CACNA1C: variants seen among roughly 807,000 people sequenced by gnomAD.
CACNA1C encodes voltage-dependent L-type calcium channel subunit alpha-1C.
CACNA1C carries 30 observed loss-of-function variants against 229.0 expected under a neutral mutation model. The ratio of observed to expected loss-of-function variants is 0.13; its 90% CI spans 0.10 to 0.18. The LOEUF (loss-of-function observed/expected upper bound fraction) is 0.18, where lower values mean the gene tolerates loss of function less well. Among genes scored for constraint, CACNA1C ranks in the 10% least tolerant of loss-of-function variants. The probability of loss-of-function intolerance (pLI) is 1.00; values close to 1 mark genes in which losing one functional copy is unlikely to be tolerated. For missense variants in CACNA1C, 1,658 were observed against 2,845.0 expected (o/e 0.58, Z 9.49); for synonymous variants, 1,114 against 1,132.5 (o/e 0.98, Z 0.33).
intron 3 of CACNA1C, among the ~76,000 whole-genome samples, chr12:2,349,518 G>A (rs1334102258): frequency 6.6e-6 from 1 of 152,164 alleles, no homozygotes; most frequent in Non-Finnish European, 1.5e-5. Context: ...TAGGGGCGCA[G>A]CATGCAAAGC....
intron 38 of CACNA1C, among the ~76,000 whole-genome samples, chr12:2,671,855 G>A (rs565910750): frequency 1.5e-4 from 23 of 150,542 alleles, no homozygotes; most frequent in Admixed American, 1.2e-3. Flanking sequence ...CAAAGGGCCC[G>A]AAACGCCCCC....
At position 2,467,105 on chromosome 12, in the gene CACNA1C, C is replaced by T. The variant is rs541576266; in HGVS notation, c.757+9399C>T. On this transcript the variant is annotated intron_variant, in intron 5 of 46. Coordinates refer to ENST00000399655, the MANE Select transcript of CACNA1C (RefSeq NM_000719.7). This position sits in a 1 kb window ranked among gnomAD's most constrained non-coding sequence, Gnocchi z 4.6. ...CCGTCCCTCATTCTCCTTCACACAG[C>T]GCTGGAGGCTGCCTGGTCCCCCTGC... 1.7e-3 allele frequency among the ~76,000 whole-genome samples: 252 copies of T among 152,294 alleles called. 1 individual carries two copies. The highest frequency in any genetic ancestry group is 5.9e-3 in the African/African-American group (247 of 41,572).
At chr12:2,019,895 T>A (rs2046139028) in intron 1 of CACNA1C, 1 of 152,248 alleles carries the variant, frequency 6.6e-6, no homozygotes, top group South Asian at 2.1e-4. Flanking sequence ...AACCATTTGT[T>A]AAATTTCTTT....
intron 3 of CACNA1C, among the ~76,000 whole-genome samples, chr12:2,162,475 C>T (rs190226674): frequency 3.6e-4 from 54 of 152,078 alleles, no homozygotes; most frequent in East Asian, 9.7e-4. Flanking sequence ...TTTTTCTTAT[C>T]AGCCACAAAA....
chr12:2,027,790 T>A (rs2047585713), intron 1 of CACNA1C, among the ~76,000 whole-genome samples: 1 of 152,160 alleles, frequency 6.6e-6, no homozygotes, highest in South Asian at 2.1e-4. Flanking sequence ...CAGTATGAAG[T>A]TTTATGAAGA....
In CACNA1C at chr12:2,115,255, T is replaced by G. The variant is rs752278726; in HGVS notation, c.81T>G (p.His27Gln). The G allele has an allele frequency of 6.3e-7, 1 of 1,590,448 alleles. No homozygotes were observed. Among genetic ancestry groups the G allele is most frequent in the Non-Finnish European group, 8.6e-7 (1 of 1,167,062 alleles). Residue 27 changes from histidine (H) to glutamine (Q), a missense_variant, in exon 2 of 47, where the codon CAT becomes CAG. Transcript: ENST00000399655. ...GSNYGSPRPAHANMNANAAAG... is the reference protein window; with the variant it reads ...GSNYGSPRPAQANMNANAAAG... ...ACTATGGGAGCCCACGCCCCGCCCATGCCAACATGAATGCCAATGCGGCAG... is the reference window on the plus strand; with the variant it reads ...ACTATGGGAGCCCACGCCCCGCCCAGGCCAACATGAATGCCAATGCGGCAG...
chr12:2,019,509 G>GAGGA (rs564201695), intron 1 of CACNA1C, among the ~76,000 whole-genome samples: 29 of 137,488 alleles, frequency 2.1e-4, no homozygotes, highest in South Asian at 8.1e-4. Flanking sequence ...GGGAGGGAGG[G>GAGGA]AGGAAGGAAG....
At chr12:2,135,850 C>G (rs534512580) in intron 3 of CACNA1C, among the ~76,000 whole-genome samples, 37 of 147,386 alleles carry the variant, frequency 2.5e-4, no homozygotes, top group East Asian at 9.8e-4. Context: ...TCGAGCTTCC[C>G]GGCTGCTTTG....
intron 1 of CACNA1C, among the ~76,000 whole-genome samples, chr12:2,063,117 T>A (rs2058094505): frequency 6.6e-6 from 1 of 151,988 alleles, no homozygotes; most frequent in Admixed American, 6.6e-5. Flanking sequence ...TTTGTCTCTA[T>A]GGATTTTCAT....
chr12:2,416,678 T>C (rs1288927743), intron 3 of CACNA1C, among the ~76,000 whole-genome samples: 1 of 152,184 alleles, frequency 6.6e-6, no homozygotes, highest in African/African-American at 2.4e-5. Flanking sequence ...CAATTGGGAC[T>C]CCACCCACCA....
At chr12:2,625,042 A>G (rs2085538509) in intron 29 of CACNA1C, among the ~76,000 whole-genome samples, 1 of 152,108 alleles carries the variant, frequency 6.6e-6, no homozygotes, top group Non-Finnish European at 1.5e-5. Flanking sequence ...GGTGCCACGC[A>G]GTGCTCCTTA....
At chr12:2,347,865 C>T (rs1275584757) in intron 3 of CACNA1C, among the ~76,000 whole-genome samples, 7 of 152,254 alleles carry the variant, frequency 4.6e-5, no homozygotes, top group Admixed American at 1.3e-4. Context: ...CTTGCCCTTT[C>T]TCTGTCCCCA....
rs185186001 is a variant in CACNA1C at position 2,249,080 on chromosome 12, A to G, written c.477+128650A>G. Among the ~76,000 whole-genome samples, 4 of 152,264 alleles carry G rather than the reference A, an allele frequency of 2.6e-5. No homozygotes were observed. In the East Asian group the frequency reaches 7.7e-4, roughly 29 times the overall value. On this transcript the variant is annotated intron_variant, in intron 3 of 46. Coordinates refer to ENST00000399655, the MANE Select transcript of CACNA1C (RefSeq NM_000719.7). ...AGCGTTCTGAATAGGCTGTCAGTAG[A>G]GAGGTAAGGAGGTAAGGACTCTGGG...
chr12:2,153,741 C>T (rs1452857333), intron 3 of CACNA1C, among the ~76,000 whole-genome samples: 1 of 152,164 alleles, frequency 6.6e-6, no homozygotes, highest in African/African-American at 2.4e-5. Flanking sequence ...AAAGGCTCTC[C>T]TCATTTCATC....
intron 5 of CACNA1C, among the ~76,000 whole-genome samples, chr12:2,465,611 G>C (rs1174070580): frequency 6.6e-6 from 1 of 152,204 alleles, no homozygotes; most frequent in Admixed American, 6.5e-5. Flanking sequence ...AGCAGACTGA[G>C]CTGGGTCTTG....
intron 1 of CACNA1C, among the ~76,000 whole-genome samples, chr12:2,090,572 C>G (rs1263156510): frequency 6.6e-6 from 1 of 152,152 alleles, no homozygotes; most frequent in East Asian, 1.9e-4. Flanking sequence ...CTCGCCTTGG[C>G]CTCCCAAAGT....
Position 2,605,645 on chromosome 12 carries a change from G to A in CACNA1C, c.3049-34G>A, listed in dbSNP as rs182059040. 8.7e-5 allele frequency: 133 copies of A among 1,524,886 alleles called. 1 individual carries two copies. In the Admixed American group the frequency reaches 2.2e-3, roughly 25 times the overall value. The allele number at this position is 1,524,886 out of a possible 1,614,324, so 94.5% of individuals were successfully genotyped here. On this transcript the variant is annotated intron_variant, in intron 23 of 46. Coordinates refer to ENST00000399655, the MANE Select transcript of CACNA1C (RefSeq NM_000719.7). This position sits in a 1 kb window ranked among gnomAD's most constrained non-coding sequence, Gnocchi z 6.2. ...GGAAAGGCTCCTGGCATCTCCTGAAGCCACGTCCCTCTCCCCGTCCCTTCC... is the reference window on the plus strand; with the variant it reads ...GGAAAGGCTCCTGGCATCTCCTGAAACCACGTCCCTCTCCCCGTCCCTTCC...
intron 3 of CACNA1C, among the ~76,000 whole-genome samples, chr12:2,230,170 C>G (rs2064440458): frequency 6.6e-6 from 1 of 152,082 alleles, no homozygotes; most frequent in African/African-American, 2.4e-5. Context: ...GACCTGGAGC[C>G]GCGGGCAGGC....
chr12:2,157,867 GGATAA>G, intron 3 of CACNA1C, among the ~76,000 whole-genome samples: 1 of 152,110 alleles, frequency 6.6e-6, no homozygotes, highest in East Asian at 1.9e-4. Context: ...GTCTTTAGAG[GGATAA>G]GATATTATAT....
Sources: allele counts gnomAD v4.1 joint callset (sites outside exome capture counted in the v4.1 genomes callset), GRCh38; gene constraint gnomAD v4.1.1; non-coding constraint Gnocchi (gnomAD v3.1); transcripts MANE v1.5; gene names NCBI Gene and HGNC (gene_info 2026-07-23, HGNC 2026-07-21).